TBC1D5: variants seen among roughly 807,000 people sequenced by gnomAD.
TBC1D5 encodes the protein TBC1 domain family member 5, also known as TBC1 domain family, member 5.
In TBC1D5, 75 loss-of-function variants were observed where a neutral mutation model predicts 100.3. That is an observed-to-expected ratio of 0.75 (90% CI 0.62 to 0.91). TBC1D5 has a LOEUF of 0.91. Among genes scored for constraint, TBC1D5 ranks in the 40% least tolerant of loss-of-function variants. The pLI is 0.00. For missense variants in TBC1D5, 910 were observed against 942.4 expected (o/e 0.97, Z 0.45); for synonymous variants, 323 against 325.6 (o/e 0.99, Z 0.09).
intron 2 of TBC1D5, among the ~76,000 whole-genome samples, chr3:17,510,406 A>G (rs569767892): frequency 3.3e-5 from 5 of 152,190 alleles, no homozygotes; most frequent in Non-Finnish European, 7.4e-5. Context: ...CTAAAACAAT[A>G]TAAGCAGAGG....
chr3:17,274,734 A>G (rs2079802441), intron 15 of TBC1D5, among the ~76,000 whole-genome samples: 1 of 152,182 alleles, frequency 6.6e-6, no homozygotes, highest in African/African-American at 2.4e-5. Flanking sequence ...AATACTCTCT[A>G]TTTTTATTGC....
intron 2 of TBC1D5, among the ~76,000 whole-genome samples, chr3:17,603,550 C>T (rs1576966900): frequency 6.6e-6 from 1 of 152,136 alleles, no homozygotes; most frequent in Non-Finnish European, 1.5e-5. Context: ...ACCCCTTTCC[C>T]GGAAAACTCA....
intron 2 of TBC1D5, among the ~76,000 whole-genome samples, chr3:17,558,046 C>T (rs2096533670): frequency 6.6e-6 from 1 of 152,156 alleles, no homozygotes; most frequent in African/African-American, 2.4e-5. Context: ...TCTCTCTACC[C>T]ATATACATAT....
intron 9 of TBC1D5, among the ~76,000 whole-genome samples, chr3:17,379,412 A>C (rs953803973): frequency 6.6e-6 from 1 of 152,026 alleles, no homozygotes; most frequent in Non-Finnish European, 1.5e-5. Flanking sequence ...TTCTTGTCTA[A>C]ATGGATCTTT....
intron 3 of TBC1D5, among the ~76,000 whole-genome samples, chr3:17,471,896 T>G (rs1339775514): frequency 1.3e-5 from 2 of 152,134 alleles, no homozygotes; most frequent in Non-Finnish European, 2.9e-5. Context: ...TGCACTGAAT[T>G]ACACATTTGC....
In TBC1D5 at chr3:17,442,474, A is replaced by T. The variant is rs916858031; in HGVS notation, c.98-13955T>A. On this transcript the variant is annotated intron_variant, in intron 3 of 21. Transcript: ENST00000253692. ...AAAAAAGTGCATCCATTCATGTGGA[A>T]CTGTGCAATAGCACAGGAGGCAAAT... 2.0e-5 allele frequency among the ~76,000 whole-genome samples: 3 copies of T among 152,352 alleles called. No individual in the cohort carries two copies. In the East Asian group the frequency reaches 5.8e-4, roughly 29 times the overall value.
At chr3:17,669,264 T>C (rs2067652027) in intron 1 of TBC1D5, among the ~76,000 whole-genome samples, 2 of 152,184 alleles carry the variant, frequency 1.3e-5, no homozygotes, top group South Asian at 4.1e-4. Flanking sequence ...TCCTGAGGCC[T>C]TCCCAGCCCT....
At chr3:17,214,353 T>C in exon 18 of TBC1D5, 2 of 1,612,998 alleles carry the variant, frequency 1.2e-6, no homozygotes, top group Non-Finnish European at 8.5e-7. Context: ...GATGAACTGA[T>C]GTTTTTAGAA....
chr3:17,495,830 A>G (rs1003036840), intron 3 of TBC1D5, among the ~76,000 whole-genome samples: 11 of 152,354 alleles, frequency 7.2e-5, no homozygotes, highest in African/African-American at 2.6e-4. Flanking sequence ...CATAAGGGTG[A>G]TAAGTTAGGA....
At chr3:17,276,727 A>C (rs1186466574) in intron 15 of TBC1D5, among the ~76,000 whole-genome samples, 1 of 152,146 alleles carries the variant, frequency 6.6e-6, no homozygotes, top group African/African-American at 2.4e-5. Flanking sequence ...CTGCTCACCA[A>C]ATGTGCTTCT....
intron 2 of TBC1D5, among the ~76,000 whole-genome samples, chr3:17,509,726 T>C (rs1011539187): frequency 2.0e-5 from 3 of 152,054 alleles, no homozygotes; most frequent in Admixed American, 6.5e-5. Context: ...TTCAGTTGTA[T>C]GACATTTTTG....
intron 13 of TBC1D5, among the ~76,000 whole-genome samples, chr3:17,321,625 G>C (rs997369351): frequency 6.6e-6 from 1 of 152,092 alleles, no homozygotes; most frequent in Non-Finnish European, 1.5e-5. Flanking sequence ...AAAACCAATA[G>C]GTTCTAATCA....
At chr3:17,715,977 G>A (rs753076832) in intron 1 of TBC1D5, among the ~76,000 whole-genome samples, 10 of 149,816 alleles carry the variant, frequency 6.7e-5, no homozygotes, top group East Asian at 2.0e-4. Flanking sequence ...ACTTGAATCC[G>A]GGAGGCGGAG....
intron 17 of TBC1D5, among the ~76,000 whole-genome samples, chr3:17,231,924 A>G (rs2075456364): frequency 6.6e-6 from 1 of 152,158 alleles, no homozygotes; most frequent in African/African-American, 2.4e-5. Flanking sequence ...CTAGTAAAAG[A>G]GCTGGTTCCC....
At chr3:17,474,991 G>T in intron 3 of TBC1D5, among the ~76,000 whole-genome samples, 1 of 152,056 alleles carries the variant, frequency 6.6e-6, no homozygotes, top group East Asian at 1.9e-4. Context: ...TATGGCAAAT[G>T]AGGTCACTCT....
chr3:17,475,822 T>A (rs2095431577), intron 3 of TBC1D5, among the ~76,000 whole-genome samples: 1 of 152,120 alleles, frequency 6.6e-6, no homozygotes, highest in Non-Finnish European at 1.5e-5. Context: ...ATATTCAATT[T>A]TCTTGTAATG....
chr3:17,355,521 G>C (rs1345144418), intron 13 of TBC1D5, among the ~76,000 whole-genome samples: 1 of 152,064 alleles, frequency 6.6e-6, no homozygotes, highest in Non-Finnish European at 1.5e-5. Context: ...TAATATTGAA[G>C]AACACAATCA....
chr3:17,248,838 C>T (rs1479117319), intron 16 of TBC1D5, among the ~76,000 whole-genome samples: 2 of 152,092 alleles, frequency 1.3e-5, no homozygotes, highest in South Asian at 2.1e-4. Context: ...TCATCTATAC[C>T]GAAAATCTGT....
At chr3:17,300,328 T>C (rs1045049053) in intron 14 of TBC1D5, among the ~76,000 whole-genome samples, 1 of 152,234 alleles carries the variant, frequency 6.6e-6, no homozygotes, top group African/African-American at 2.4e-5. Context: ...ATTTAAAATT[T>C]GTAATCACTG....
Sources: gnomAD v4.1 joint callset for allele counts (sites outside exome capture counted in the v4.1 genomes callset) on GRCh38, gnomAD v4.1.1 for gene constraint, MANE v1.5 for transcripts, NCBI Gene and HGNC (gene_info 2026-07-23, HGNC 2026-07-21) for gene names.